Variants in CTNND2 observed in about 807,000 individuals in gnomAD.
The protein encoded by CTNND2 is catenin delta-2.
A neutral mutation model predicts 144.4 loss-of-function variants in CTNND2; 22 were observed. The observed-to-expected ratio is 0.15, with a 90% CI of 0.11 to 0.22. The LOEUF (loss-of-function observed/expected upper bound fraction) is 0.22. CTNND2 is among the 10% of genes least tolerant of loss of function. The pLI is 1.00. For missense variants in CTNND2, 1,353 were observed against 1,618.8 expected, an observed-to-expected ratio of 0.84 and a Z score of 2.82; for synonymous variants, 751 against 695.6, an observed-to-expected ratio of 1.08 and a Z score of -1.25.
chr5:11,491,974 A>G (rs1379352347), intron 3 of CTNND2, among the ~76,000 whole-genome samples: 1 of 152,216 alleles, frequency 6.6e-6, no homozygotes, highest in Non-Finnish European at 1.5e-5. Context: ...AATATTTTCA[A>G]GAAGAACAAG....
At chr5:11,129,833 C>T (rs1354526730) in intron 12 of CTNND2, among the ~76,000 whole-genome samples, 3 of 152,056 alleles carry the variant, frequency 2.0e-5, no homozygotes, top group Admixed American at 6.6e-5. Flanking sequence ...ATGTGAAGCA[C>T]CAACCATAAG....
chr5:11,079,420 C>T (rs1305072219), intron 16 of CTNND2, among the ~76,000 whole-genome samples: 3 of 152,304 alleles, frequency 2.0e-5, no homozygotes, highest in East Asian at 3.9e-4. Context: ...AGATGCCTAC[C>T]AGCCAGACCA....
In CTNND2 at chr5:11,618,233, G is replaced by A. The variant is rs934398325; in HGVS notation, c.175-53177C>T. On this transcript the variant is annotated intron_variant, in intron 2 of 21. Coordinates refer to ENST00000304623, the MANE Select transcript of CTNND2 (RefSeq NM_001332.4). ...CTACACAAAACACTTGGAGCTAGACGTATTTCTGAATTCAGAATGTTTGAA... is the reference window on the plus strand; with the variant it reads ...CTACACAAAACACTTGGAGCTAGACATATTTCTGAATTCAGAATGTTTGAA... Among the ~76,000 whole-genome samples the A allele has an allele frequency of 2.2e-4, 33 of 152,060 alleles. 1 individual carries two copies. Among genetic ancestry groups the A allele is most frequent in the Non-Finnish European group, 3.1e-4 (21 of 68,004 alleles).
chr5:11,006,262 T>TC (rs1389975373), intron 18 of CTNND2, among the ~76,000 whole-genome samples: 1 of 152,172 alleles, frequency 6.6e-6, no homozygotes, highest in Admixed American at 6.5e-5. Flanking sequence ...TGTCAGGGCC[T>TC]CCCCAGTCCA....
At chr5:11,421,637 A>T (rs1487845206) in intron 3 of CTNND2, among the ~76,000 whole-genome samples, 1 of 152,188 alleles carries the variant, frequency 6.6e-6, no homozygotes, top group African/African-American at 2.4e-5. Flanking sequence ...CACTAAAAAA[A>T]TACCCAGGCA....
intron 3 of CTNND2, among the ~76,000 whole-genome samples, chr5:11,497,231 T>A (rs1410825099): frequency 1.3e-5 from 2 of 152,070 alleles, no homozygotes; most frequent in African/African-American, 4.8e-5. Flanking sequence ...GACTACTTTT[T>A]TTTTTTAATA....
At chr5:11,174,942 G>A (rs1210364854) in intron 11 of CTNND2, among the ~76,000 whole-genome samples, 4 of 152,150 alleles carry the variant, frequency 2.6e-5, no homozygotes, top group African/African-American at 9.7e-5. Flanking sequence ...CTGATAAACT[G>A]GCTTTTCAAG....
intron 10 of CTNND2, among the ~76,000 whole-genome samples, chr5:11,207,359 C>T (rs1738155501): frequency 1.4e-5 from 2 of 147,538 alleles, no homozygotes; most frequent in Non-Finnish European, 3.0e-5. Flanking sequence ...AAGTTCTGCA[C>T]ACGTATCCCA....
chr5:11,776,814 G>T (rs781308359), intron 1 of CTNND2, among the ~76,000 whole-genome samples: 2 of 152,122 alleles, frequency 1.3e-5, no homozygotes, highest in Non-Finnish European at 1.5e-5. Flanking sequence ...ATCACCAGAA[G>T]ATAGAAATAT....
intron 2 of CTNND2, among the ~76,000 whole-genome samples, chr5:11,700,103 C>T (rs1785356268): frequency 6.6e-6 from 1 of 152,084 alleles, no homozygotes. Flanking sequence ...GATTTAATCA[C>T]TTGGCCAGGC....
chr5:11,410,065 A>T (rs1761391266), intron 5 of CTNND2, among the ~76,000 whole-genome samples: 1 of 152,098 alleles, frequency 6.6e-6, no homozygotes, highest in Non-Finnish European at 1.5e-5. Context: ...AACAAGGCAA[A>T]CTATTCTGTT....
chr5:11,647,741 T>C (rs1782435465), intron 2 of CTNND2, among the ~76,000 whole-genome samples: 1 of 152,112 alleles, frequency 6.6e-6, no homozygotes. Flanking sequence ...AACTCTACAC[T>C]CTGTCCCTTG....
chr5:11,169,862 G>A (rs1759725906), intron 11 of CTNND2, among the ~76,000 whole-genome samples: 1 of 152,158 alleles, frequency 6.6e-6, no homozygotes, highest in Non-Finnish European at 1.5e-5. Context: ...AAGCAACCTT[G>A]ATGAAGATAT....
intron 11 of CTNND2, among the ~76,000 whole-genome samples, chr5:11,194,503 C>A (rs1303129040): frequency 6.6e-6 from 1 of 152,136 alleles, no homozygotes; most frequent in Non-Finnish European, 1.5e-5. Context: ...CTGATTAAGA[C>A]ACTTAAAAGA....
Position 11,585,415 on chromosome 5 carries a change from TG to T in CTNND2, c.175-20360del, listed in dbSNP as rs1441996429. Among the ~76,000 whole-genome samples the T allele has an allele frequency of 3.3e-5, 5 of 152,022 alleles. No homozygotes were observed. The East Asian group carries it at 9.7e-4, about 29-fold the overall frequency. On this transcript the variant is annotated intron_variant, in intron 2 of 21. Coordinates refer to ENST00000304623, the MANE Select transcript of CTNND2 (RefSeq NM_001332.4). ...CTGTATATTTGATGTTAGAAAAAAA[TG>T]TATTTTTTCTAACACACTATATTTA...
intron 1 of CTNND2, among the ~76,000 whole-genome samples, chr5:11,815,356 T>C (rs1336455768): frequency 1.3e-5 from 2 of 152,210 alleles, no homozygotes; most frequent in South Asian, 2.1e-4. Context: ...GTCATAATTA[T>C]GCCTACTTTT....
rs368658964 is a variant in CTNND2 at position 11,183,549 on chromosome 5, C to CT, written c.1975+15898dup. On this transcript the variant is annotated intron_variant, in intron 11 of 21. Transcript: ENST00000304623. ...AAAGAAGAGCAAATCAATTTAGTTTCTTTTTTTTTTGGTTTTTTTTTTTTT... is the reference window on the plus strand; with the variant it reads ...AAAGAAGAGCAAATCAATTTAGTTTCTTTTTTTTTTTGGTTTTTTTTTTTTT... Among the ~76,000 whole-genome samples, 537 of 144,598 alleles carry CT rather than the reference C, an allele frequency of 3.7e-3. 2 individuals carry two copies. Among genetic ancestry groups the CT allele is most frequent in the African/African-American group, 0.011 (448 of 39,454 alleles). The allele number at this position is 144,598 out of a possible 152,430, so 94.9% of individuals were successfully genotyped here. A position where few individuals can be genotyped will look rare whatever the true frequency, so the allele number is the denominator to read the frequency against.
rs537904341 is a variant in CTNND2 at position 11,863,901 on chromosome 5, A to G, written c.37+39916T>C. On this transcript the variant is annotated intron_variant, in intron 1 of 21. Transcript: ENST00000304623. ...CAAAATAGATATAATAGATAACTGA[A>G]ATCAGCAGAAGTACACCTAGGACTA... Among the ~76,000 whole-genome samples the G allele has an allele frequency of 1.3e-5, 2 of 152,334 alleles. 1 individual carries two copies. Among genetic ancestry groups the G allele is most frequent in the South Asian group, 4.1e-4 (2 of 4,828 alleles).
At chr5:11,126,877 T>C (rs1023913957) in intron 12 of CTNND2, among the ~76,000 whole-genome samples, 1 of 152,178 alleles carries the variant, frequency 6.6e-6, no homozygotes, top group Non-Finnish European at 1.5e-5. Flanking sequence ...ACACGGAACA[T>C]AATAAACATG....
Sources: gnomAD v4.1 joint callset for allele counts (sites outside exome capture counted in the v4.1 genomes callset) on GRCh38, gnomAD v4.1.1 for gene constraint, MANE v1.5 for transcripts, NCBI Gene and HGNC (gene_info 2026-07-23, HGNC 2026-07-21) for gene names.